The following ROBO2 variants were observed in gnomAD, a reference collection of about 807,000 sequenced individuals.
The protein encoded by ROBO2 is roundabout guidance receptor 2.
Under a neutral mutation model 160.8 loss-of-function variants are expected in ROBO2, and 53 were observed. That is an observed-to-expected ratio of 0.33 (90% CI 0.26 to 0.41). ROBO2 has a LOEUF of 0.41. ROBO2 is among the 10% of genes least tolerant of loss of function. ROBO2 has a pLI of 1.00. For synonymous variants in ROBO2, 664 were observed against 611.7 expected, an observed-to-expected ratio of 1.09 and a Z score of -1.26; for missense variants, 1,577 against 1,722.4, an observed-to-expected ratio of 0.92 and a Z score of 1.49.
Position 76,098,416 on chromosome 3 carries a change from C to G in ROBO2, c.109+160814C>G, listed in dbSNP as rs567471972. On this transcript the variant is annotated intron_variant, in intron 2 of 26. Coordinates refer to the ROBO2 transcript ENST00000487694. Reference sequence around the variant, plus strand: ...TTTTATTTTTGATATCTACAACATGCAATTTTTGTGTTTGGATGAGTTTTA... The same window carrying G: ...TTTTATTTTTGATATCTACAACATGGAATTTTTGTGTTTGGATGAGTTTTA... 1.6e-4 allele frequency among the ~76,000 whole-genome samples: 25 copies of G among 151,992 alleles called. No homozygotes were observed. The South Asian group carries it at 2.5e-3, about 15-fold the overall frequency.
At chr3:77,428,073 CACA>C (rs1440729408) in intron 2 of ROBO2, among the ~76,000 whole-genome samples, 8 of 151,818 alleles carry the variant, frequency 5.3e-5, no homozygotes, top group Non-Finnish European at 1.0e-4. Flanking sequence ...ACCAAGAAAG[CACA>C]ACAAGACAAA....
chr3:76,237,112 G>A (rs1450838957), intron 2 of ROBO2, among the ~76,000 whole-genome samples: 4 of 151,888 alleles, frequency 2.6e-5, no homozygotes, highest in Non-Finnish European at 5.9e-5. Flanking sequence ...ATGAATGAGT[G>A]AAATTTAATT....
rs527783919 is a variant in ROBO2, at chr3:76,656,981, A to T, written c.110-441033A>T. 7.2e-5 allele frequency among the ~76,000 whole-genome samples: 11 copies of T among 152,264 alleles called. No individual in the cohort carries two copies. In the South Asian group the frequency reaches 2.3e-3, roughly 32 times the overall value. On this transcript the variant is annotated intron_variant, in intron 2 of 26. Transcript: ENST00000487694. ...TTAACTGGCTCTCTATTTTGGAGAGATACAATTCAAATGCTAATCAAGTCT... is the reference window on the plus strand; with the variant it reads ...TTAACTGGCTCTCTATTTTGGAGAGTTACAATTCAAATGCTAATCAAGTCT...
exon 24 of ROBO2, chr3:77,635,041 A>G: frequency 1.2e-6 from 2 of 1,614,102 alleles, no homozygotes; most frequent in Non-Finnish European, 1.7e-6. Flanking sequence ...GGAATGACAG[A>G]TGGTAGGTTT....
intron 2 of ROBO2, among the ~76,000 whole-genome samples, chr3:76,616,486 GTTA>G (rs1179214313): frequency 6.6e-6 from 1 of 152,160 alleles, no homozygotes; most frequent in Non-Finnish European, 1.5e-5. Flanking sequence ...TCCATGATGT[GTTA>G]TTAGCATTTT....
intron 2 of ROBO2, among the ~76,000 whole-genome samples, chr3:76,748,027 A>G (rs9817431): frequency 0.012 from 1,760 of 152,064 alleles, 30 homozygotes; most frequent in African/African-American, 0.039. Flanking sequence ...GTTAATGAAC[A>G]TAGTAAGATG....
chr3:76,320,639 C>T (rs1288868277), intron 2 of ROBO2, among the ~76,000 whole-genome samples: 2 of 152,196 alleles, frequency 1.3e-5, no homozygotes, highest in Non-Finnish European at 2.9e-5. Context: ...AGAAATGTCA[C>T]AGAAGTACCT....
At chr3:76,140,375 C>G (rs544468076) in intron 2 of ROBO2, among the ~76,000 whole-genome samples, 1 of 152,018 alleles carries the variant, frequency 6.6e-6, no homozygotes, top group Middle Eastern at 3.4e-3. Flanking sequence ...ATAATAATAG[C>G]TAGGGTAATC....
intron 21 of ROBO2, among the ~76,000 whole-genome samples, chr3:77,613,232 T>A (rs1344433062): frequency 6.6e-6 from 1 of 152,006 alleles, no homozygotes; most frequent in African/African-American, 2.4e-5. Context: ...TTTTTTTTTT[T>A]TAAATTTCAT....
At chr3:77,522,513 T>G (rs189689106) in intron 5 of ROBO2, among the ~76,000 whole-genome samples, 39 of 151,390 alleles carry the variant, frequency 2.6e-4, no homozygotes, top group Admixed American at 1.3e-3. Flanking sequence ...GTGCTAATTA[T>G]GCCTTTGATA....
At chr3:77,287,136 C>T (rs571001965) in intron 2 of ROBO2, among the ~76,000 whole-genome samples, 2 of 152,312 alleles carry the variant, frequency 1.3e-5, no homozygotes, top group East Asian at 1.9e-4. Context: ...CAATCCCTTA[C>T]GCTCTTGAAA....
chr3:76,230,959 C>T (rs748264934), intron 2 of ROBO2, among the ~76,000 whole-genome samples: 40 of 151,988 alleles, frequency 2.6e-4, no homozygotes, highest in African/African-American at 8.5e-4. Flanking sequence ...ATCTACAGGC[C>T]GGAGAACACC....
intron 5 of ROBO2, among the ~76,000 whole-genome samples, chr3:77,493,743 C>T (rs990605583): frequency 2.0e-5 from 3 of 152,106 alleles, no homozygotes; most frequent in African/African-American, 4.8e-5. Context: ...ATGCTTCATC[C>T]CCTCTGGATA....
chr3:77,378,723 C>G (rs1458430915), intron 2 of ROBO2, among the ~76,000 whole-genome samples: 1 of 152,114 alleles, frequency 6.6e-6, no homozygotes, highest in Non-Finnish European at 1.5e-5. Flanking sequence ...TGAATTTTCT[C>G]TTGTGCCGTC....
At chr3:76,745,815 A>C (rs1449092063) in intron 2 of ROBO2, among the ~76,000 whole-genome samples, 3 of 148,550 alleles carry the variant, frequency 2.0e-5, no homozygotes, top group African/African-American at 7.4e-5. Flanking sequence ...TTATTTATTT[A>C]TTTATTTATT....
At chr3:75,960,275 A>G (rs546812723) in intron 2 of ROBO2, among the ~76,000 whole-genome samples, 1 of 151,848 alleles carries the variant, frequency 6.6e-6, no homozygotes, top group African/African-American at 2.4e-5. Flanking sequence ...TACCTCAAAG[A>G]GAAAACTTAA....
At chr3:77,335,922 G>A (rs768034078) in intron 2 of ROBO2, among the ~76,000 whole-genome samples, 1 of 152,094 alleles carries the variant, frequency 6.6e-6, no homozygotes, top group Non-Finnish European at 1.5e-5. Context: ...GGTTTGATGG[G>A]GAGAAAAACC....
rs559548607 is a variant in ROBO2 at position 76,133,890 on chromosome 3, C to T, written c.109+196288C>T. 7.9e-5 allele frequency among the ~76,000 whole-genome samples: 12 copies of T among 151,732 alleles called. No homozygotes were observed. In the South Asian group the frequency reaches 1.7e-3, roughly 21 times the overall value. On this transcript the variant is annotated intron_variant, in intron 2 of 26. Transcript: ENST00000487694. ...CTCCAGTGTTAATCTCCTTTGACAA[C>T]GCCCTCACAGACACACCCAGGAGCA...
rs187070087 is a variant in ROBO2, at chr3:76,070,961, G to A, written c.109+133359G>A. 2.6e-5 allele frequency among the ~76,000 whole-genome samples: 4 copies of A among 152,302 alleles called. No homozygotes were observed. The East Asian group carries it at 7.7e-4, about 29-fold the overall frequency. On this transcript the variant is annotated intron_variant, in intron 2 of 26. Coordinates refer to the ROBO2 transcript ENST00000487694. ...ATACAAATATCTCATTAGCCATCTA[G>A]TTTTTAATATACTGTCTAACCAAGG...
Sources: gnomAD v4.1 joint callset for allele counts (sites outside exome capture counted in the v4.1 genomes callset) on GRCh38, gnomAD v4.1.1 for gene constraint, MANE v1.5 for transcripts, NCBI Gene and HGNC (gene_info 2026-07-23, HGNC 2026-07-21) for gene names.